Variants in MAML3 observed in about 807,000 individuals in gnomAD.
MAML3 encodes mastermind like transcriptional coactivator 3, also known as mastermind-like protein 3.
Under a neutral mutation model 101.9 loss-of-function variants are expected in MAML3, and 27 were observed. That is an observed-to-expected ratio of 0.27 (90% CI 0.20 to 0.37). The LOEUF is 0.37. MAML3 is among the 10% of genes least tolerant of loss of function. The pLI, the probability that MAML3 is intolerant of heterozygous loss-of-function variation, is 1.00. For synonymous variants in MAML3, 501 were observed against 555.9 expected (o/e 0.90, Z 1.39); for missense variants, 1,316 against 1,444.9 (o/e 0.91, Z 1.45).
chr4:140,151,635 G>A (rs1729169676), intron 1 of MAML3, among the ~76,000 whole-genome samples: 1 of 151,768 alleles, frequency 6.6e-6, no homozygotes, highest in African/African-American at 2.4e-5. Flanking sequence ...GCGCGGCCCC[G>A]GCACGCTCCA....
At chr4:139,830,497 C>T (rs539688433) in intron 2 of MAML3, among the ~76,000 whole-genome samples, 19 of 148,264 alleles carry the variant, frequency 1.3e-4, no homozygotes, top group South Asian at 6.4e-4. Context: ...TCACTGCAAG[C>T]GCCGCCTCCC....
chr4:139,850,098 A>G (rs1371032818), intron 2 of MAML3, among the ~76,000 whole-genome samples: 1 of 152,078 alleles, frequency 6.6e-6, no homozygotes, highest in Non-Finnish European at 1.5e-5. Flanking sequence ...AATTCAGTAT[A>G]TTTCCCCCCC....
chr4:139,932,673 A>G (rs1038944687), intron 1 of MAML3, among the ~76,000 whole-genome samples: 5 of 152,344 alleles, frequency 3.3e-5, no homozygotes, highest in African/African-American at 1.2e-4. Flanking sequence ...CACATTTCAA[A>G]TAAGTATAAT....
intron 2 of MAML3, among the ~76,000 whole-genome samples, chr4:139,845,955 T>C (rs1731438552): frequency 6.6e-6 from 1 of 152,210 alleles, no homozygotes; most frequent in South Asian, 2.1e-4. Context: ...TCATCTAGAA[T>C]ATATTTTTAG....
chr4:139,912,212 C>T (rs907690271), intron 1 of MAML3, among the ~76,000 whole-genome samples: 5 of 152,078 alleles, frequency 3.3e-5, no homozygotes, highest in Non-Finnish European at 7.4e-5. Flanking sequence ...ATATCAATGC[C>T]ATCAGAAGAG....
chr4:139,952,358 T>C (rs1733845639), intron 1 of MAML3, among the ~76,000 whole-genome samples: 1 of 152,000 alleles, frequency 6.6e-6, no homozygotes, highest in Non-Finnish European at 1.5e-5. Flanking sequence ...TGTCCAGAGA[T>C]ATGCAGTGGG....
intron 1 of MAML3, among the ~76,000 whole-genome samples, chr4:140,016,169 G>A (rs1016996945): frequency 6.6e-5 from 10 of 152,118 alleles, no homozygotes; most frequent in Non-Finnish European, 8.8e-5. Context: ...CACCAAAGTT[G>A]AGAATAGAGT....
At chr4:140,095,439 C>T (rs1371370903) in intron 1 of MAML3, among the ~76,000 whole-genome samples, 1 of 152,126 alleles carries the variant, frequency 6.6e-6, no homozygotes. Context: ...ACCCTGCGCT[C>T]CAGGCTGAGG....
intron 1 of MAML3, among the ~76,000 whole-genome samples, chr4:140,102,207 G>A (rs1263709109): frequency 2.0e-5 from 3 of 152,188 alleles, no homozygotes; most frequent in Non-Finnish European, 1.5e-5. Flanking sequence ...ATTACATTAT[G>A]TTGTTTATTC....
intron 1 of MAML3, among the ~76,000 whole-genome samples, chr4:139,984,776 T>A (rs557308308): frequency 1.2e-4 from 18 of 152,244 alleles, no homozygotes; most frequent in Non-Finnish European, 2.4e-4. Context: ...CTTCAGCTGA[T>A]TGGATCAGAC....
At chr4:140,086,897 C>T (rs1342275125) in intron 1 of MAML3, among the ~76,000 whole-genome samples, 2 of 152,180 alleles carry the variant, frequency 1.3e-5, no homozygotes, top group African/African-American at 2.4e-5. Flanking sequence ...CGGTGGCTCA[C>T]GCCTGTAATC....
chr4:140,062,532 C>T (rs1727464582), intron 1 of MAML3, among the ~76,000 whole-genome samples: 1 of 151,640 alleles, frequency 6.6e-6, no homozygotes, highest in Admixed American at 6.5e-5. Flanking sequence ...TTGCTGCGCT[C>T]TGAGAGTTTT....
intron 2 of MAML3, among the ~76,000 whole-genome samples, chr4:139,748,983 C>A (rs886445782): frequency 2.0e-5 from 3 of 152,168 alleles, no homozygotes; most frequent in African/African-American, 7.2e-5. Context: ...TGTGGCTGCA[C>A]ACGTCCTTGA....
At chr4:139,977,925 C>T (rs1183572005) in intron 1 of MAML3, among the ~76,000 whole-genome samples, 1 of 151,992 alleles carries the variant, frequency 6.6e-6, no homozygotes, top group Non-Finnish European at 1.5e-5. Flanking sequence ...ATCTTCTATG[C>T]TCTTTTCTGT....
chr4:140,112,342 G>A (rs1001892310), intron 1 of MAML3, among the ~76,000 whole-genome samples: 2 of 152,020 alleles, frequency 1.3e-5, no homozygotes, highest in East Asian at 3.9e-4. Flanking sequence ...CCCAGCCCAA[G>A]AATGTAGCCA....
chr4:139,915,772 C>A (rs954539068), intron 1 of MAML3, among the ~76,000 whole-genome samples: 1 of 152,052 alleles, frequency 6.6e-6, no homozygotes, highest in Non-Finnish European at 1.5e-5. Flanking sequence ...CATGCCCTGA[C>A]CTCCTCGTTA....
intron 2 of MAML3, among the ~76,000 whole-genome samples, chr4:139,879,556 G>GAAAAA (rs1732178832): frequency 1.5e-5 from 2 of 137,026 alleles, no homozygotes; most frequent in African/African-American, 5.4e-5. Flanking sequence ...GAAAAGAAAA[G>GAAAAA]AAAAAAGAGA....
At chr4:139,757,575 G>A (rs1406005985) in intron 2 of MAML3, among the ~76,000 whole-genome samples, 1 of 149,680 alleles carries the variant, frequency 6.7e-6, no homozygotes, top group Admixed American at 6.7e-5. Flanking sequence ...GCTTGAACCT[G>A]GGAGATGCAG....
chr4:139,878,360 C>T (rs1732152187), intron 2 of MAML3, among the ~76,000 whole-genome samples: 1 of 152,132 alleles, frequency 6.6e-6, no homozygotes, highest in Admixed American at 6.5e-5. Flanking sequence ...ACTGACTACT[C>T]GCTCCCTTGT....
Sources: allele counts gnomAD v4.1 joint callset (sites outside exome capture counted in the v4.1 genomes callset), GRCh38; gene constraint gnomAD v4.1.1; transcripts MANE v1.5; gene names NCBI Gene and HGNC (gene_info 2026-07-23, HGNC 2026-07-21).